XPO4: variants seen among roughly 807,000 people sequenced by gnomAD.
XPO4 encodes the protein exportin 4.
A neutral mutation model predicts 143.0 loss-of-function variants in XPO4; 39 were observed. The ratio of observed to expected loss-of-function variants is 0.27; its 90% CI spans 0.21 to 0.36. The LOEUF (loss-of-function observed/expected upper bound fraction) is 0.36. XPO4 is among the 10% of genes least tolerant of loss of function. The pLI, the probability that XPO4 is intolerant of heterozygous loss-of-function variation, is 1.00. For missense variants in XPO4, 907 were observed against 1,348.0 expected (o/e 0.67, Z 5.12); for synonymous variants, 439 against 474.0 (o/e 0.93, Z 0.96).
intron 13 of XPO4, among the ~76,000 whole-genome samples, chr13:20,801,367 C>T (rs906807325): frequency 5.3e-5 from 8 of 152,198 alleles, no homozygotes; most frequent in Non-Finnish European, 1.2e-4. Context: ...TACTACTTAG[C>T]ATCACTACTT....
At chr13:20,880,170 A>C (rs1048050712) in intron 1 of XPO4, among the ~76,000 whole-genome samples, 3 of 152,238 alleles carry the variant, frequency 2.0e-5, no homozygotes, top group Non-Finnish European at 4.4e-5. Context: ...GCGGTGGCTC[A>C]TGCCTGTAAT....
At chr13:20,819,882 G>A (rs769825747) in intron 9 of XPO4, among the ~76,000 whole-genome samples, 9 of 152,084 alleles carry the variant, frequency 5.9e-5, no homozygotes, top group African/African-American at 2.2e-4. Flanking sequence ...AACGGAAACC[G>A]CTTGAGGTTG....
chr13:20,901,243 G>A (rs1305032853), intron 1 of XPO4, among the ~76,000 whole-genome samples: 4 of 152,118 alleles, frequency 2.6e-5, no homozygotes, highest in African/African-American at 7.2e-5. Context: ...CTCCTTATAG[G>A]GGATAAAAGC....
intron 6 of XPO4, among the ~76,000 whole-genome samples, chr13:20,836,402 TGTTCTCCC>T (rs2059917621): frequency 6.6e-6 from 1 of 152,200 alleles, no homozygotes; most frequent in East Asian, 1.9e-4. Context: ...CTCCTTGCCT[TGTTCTCCC>T]ATCCACTTGT....
chr13:20,826,034 T>C (rs1434669106), intron 7 of XPO4, among the ~76,000 whole-genome samples: 1 of 152,238 alleles, frequency 6.6e-6, no homozygotes, highest in Non-Finnish European at 1.5e-5. Flanking sequence ...CAATTGGGAT[T>C]AAGCAAAATA....
intron 1 of XPO4, among the ~76,000 whole-genome samples, chr13:20,868,950 T>G (rs1219255906): frequency 6.6e-6 from 1 of 152,182 alleles, no homozygotes. Flanking sequence ...TTAAAAAACC[T>G]GCATTTTAGA....
intron 1 of XPO4, among the ~76,000 whole-genome samples, chr13:20,873,170 TA>T (rs2060318235): frequency 6.6e-6 from 1 of 150,878 alleles, no homozygotes; most frequent in Admixed American, 6.6e-5. Context: ...CACAAATTCC[TA>T]ACTCAATAGA....
Position 20,809,213 on chromosome 13 carries a change from C to T in XPO4, c.1363G>A (p.Val455Met), listed in dbSNP as rs913010371. 2 of 1,613,624 alleles carry T rather than the reference C, an allele frequency of 1.2e-6. No homozygotes were observed. The highest frequency in any genetic ancestry group is 1.7e-6 in the Non-Finnish European group (2 of 1,179,816). Residue 455 changes from valine to methionine, a missense_variant, in exon 11 of 23, where the codon GTG becomes ATG. Val to Met is a conservative substitution (Grantham distance 21, BLOSUM62 1). Transcript: ENST00000255305. ...DGTRNLTANG[V>M]ASREEEEISE... The stretch of plus-strand genomic sequence containing the variant: ...ATTTCTTCCTCCTCACGAGAGGCCA[C>T]ACCATTGGCAGTCTATTGCAAGTAA...
intron 15 of XPO4, among the ~76,000 whole-genome samples, 182 bp downstream of exon 15, chr13:20,799,974 C>T (rs1028873551): frequency 1.3e-5 from 2 of 152,102 alleles, no homozygotes; most frequent in African/African-American, 4.8e-5. Flanking sequence ...GGGAAAGCTC[C>T]ATTTGCATTT....
At chr13:20,871,668 C>A (rs939959364) in intron 1 of XPO4, among the ~76,000 whole-genome samples, 1 of 152,164 alleles carries the variant, frequency 6.6e-6, no homozygotes, top group Non-Finnish European at 1.5e-5. Context: ...ATTTCTGGAT[C>A]ATACATTCTT....
chr13:20,846,659 T>C (rs1021788739), intron 4 of XPO4, among the ~76,000 whole-genome samples: 4 of 152,200 alleles, frequency 2.6e-5, no homozygotes, highest in African/African-American at 9.6e-5. Context: ...ACTTCTATCT[T>C]AGAAAAACTA....
In XPO4 at chr13:20,870,820, T is replaced by C. The variant is rs185221325; in HGVS notation, c.70-2119A>G. 3.3e-3 allele frequency among the ~76,000 whole-genome samples: 499 copies of C among 152,336 alleles called. 3 individuals are homozygous for C. The highest frequency in any genetic ancestry group is 6.8e-3 in the Middle Eastern group (2 of 294). On this transcript the variant is annotated intron_variant, in intron 1 of 22. Transcript: ENST00000255305. ...TATTTTGTTTGCTTTTTGTGTTTTT[T>C]GTCTGTTTTGGAGACAGCCTCACTC...
At position 20,803,961 on chromosome 13, in the gene XPO4, A is replaced by AGTGT. The variant is rs1294303357; in HGVS notation, c.1818-2975_1818-2972dup. On this transcript the variant is annotated intron_variant, in intron 13 of 22. Coordinates refer to ENST00000255305, the MANE Select transcript of XPO4 (RefSeq NM_022459.5). This position sits in a 1 kb window ranked among gnomAD's most constrained non-coding sequence, Gnocchi z 4.1. Reference sequence around the variant, plus strand: ...TTTACTAAACAGACCCAGACTTGGGAGTGTCCAGATATTCTGACATCTGGA... The same window carrying AGTGT: ...TTTACTAAACAGACCCAGACTTGGGAGTGTGTGTCCAGATATTCTGACATCTGGA... 6.6e-6 allele frequency among the ~76,000 whole-genome samples: 1 copy of AGTGT among 152,170 alleles called. No homozygotes were observed. Among genetic ancestry groups the AGTGT allele is most frequent in the East Asian group, 1.9e-4 (1 of 5,202 alleles).
Position 20,821,785 on chromosome 13 carries a change from T to C in XPO4, c.1092A>G (p.Pro364=). The C allele has an allele frequency of 6.2e-7, 1 of 1,614,122 alleles. No homozygotes were observed. Among genetic ancestry groups the C allele is most frequent in the Non-Finnish European group, 8.5e-7 (1 of 1,179,976 alleles). The change falls in exon 9 of 23, where the codon CCA becomes CCG. Residue 364 remains proline, a synonymous_variant. Transcript: ENST00000255305. ...TAACAAAGGAGGAGAAAAGTTCACT[T>C]GGAATGGCAGTTAAAACATTTCGTG... The part of the protein sequence containing the change: ...VFPRNVLTAI[P]SELFSSFVNC...
chr13:20,888,228 T>C (rs1420791864), intron 1 of XPO4, among the ~76,000 whole-genome samples: 1 of 148,106 alleles, frequency 6.8e-6, no homozygotes, highest in Non-Finnish European at 1.5e-5. Flanking sequence ...GATGAAATGA[T>C]ATGGAAGAGA....
chr13:20,789,469 AC>A (rs2059248808), intron 19 of XPO4, among the ~76,000 whole-genome samples: 1 of 145,296 alleles, frequency 6.9e-6, no homozygotes, highest in South Asian at 2.1e-4. Flanking sequence ...ATCTTGGCTC[AC>A]TGCAAGCTCC....
At chr13:20,850,721 T>C (rs941293267) in intron 4 of XPO4, 1 of 839,728 alleles carries the variant, frequency 1.2e-6, no homozygotes, top group Non-Finnish European at 1.4e-6. Flanking sequence ...GTTATGAACA[T>C]GTCACTGCAC....
At chr13:20,897,100 A>G (rs2060576827) in intron 1 of XPO4, among the ~76,000 whole-genome samples, 1 of 152,168 alleles carries the variant, frequency 6.6e-6, no homozygotes, top group Admixed American at 6.6e-5. Flanking sequence ...CAGTTTTCTA[A>G]TATCTAGTGC....
rs564597450 is a variant in XPO4 at position 20,803,828 on chromosome 13, T to G, written c.1818-2838A>C. ...GCATCAAACCAGACTGACTCCATCT[T>G]GAGTGAGGGCTAGGAAAATGATGCT... On this transcript the variant is annotated intron_variant, in intron 13 of 22. Coordinates refer to ENST00000255305, the MANE Select transcript of XPO4 (RefSeq NM_022459.5). The surrounding 1 kb of genome is among the most constrained non-coding windows in gnomAD (Gnocchi z 4.1). Among the ~76,000 whole-genome samples the G allele has an allele frequency of 7.0e-4, 106 of 152,254 alleles. No homozygotes were observed. Among genetic ancestry groups the G allele is most frequent in the African/African-American group, 2.4e-3 (101 of 41,550 alleles).
Sources: gnomAD v4.1 joint callset for allele counts (sites outside exome capture counted in the v4.1 genomes callset) on GRCh38, gnomAD v4.1.1 for gene constraint, Gnocchi (gnomAD v3.1) non-coding constraint, MANE v1.5 for transcripts, NCBI Gene and HGNC (gene_info 2026-07-23, HGNC 2026-07-21) for gene names.